TMEM190: variants seen among roughly 807,000 people sequenced by gnomAD.
TMEM190 encodes the protein transmembrane protein 190.
TMEM190 carries 17 observed loss-of-function variants against 17.1 expected under a neutral mutation model. The observed-to-expected ratio is 0.99, with a 90% confidence interval of 0.68 to 1.49. The LOEUF (loss-of-function observed/expected upper bound fraction) is 1.49. Among genes scored for constraint, TMEM190 ranks in the 40% most tolerant of loss-of-function variants. TMEM190 has a pLI of 0.00. For missense variants in TMEM190, 246 were observed against 245.0 expected (o/e 1.00, Z -0.03); for synonymous variants, 101 against 103.8 (o/e 0.97, Z 0.16).
At position 55,376,894 on chromosome 19, in the gene TMEM190, TGCTGCAGGGCTCGGCAGGTGAGGG is replaced by T. The variant is rs1259620963; in HGVS notation, c.46_58+11del. ...ATCCCAGCGCTGGGCCTGCTCCTGCTGCTGCAGGGCTCGGCAGGTGAGGGGCTGGTGAGGCGGGGGAGCTGAGGA... is the reference window on the plus strand; with the variant it reads ...ATCCCAGCGCTGGGCCTGCTCCTGCTGCTGGTGAGGCGGGGGAGCTGAGGA... On this transcript the variant is annotated splice_donor_variant and splice_donor_5th_base_variant and coding_sequence_variant and intron_variant, in exon 1 of 5. Coordinates refer to ENST00000291934, the MANE Select transcript of TMEM190 (RefSeq NM_139172.3). LOFTEE classifies it high-confidence loss of function. The T allele has an allele frequency of 5.1e-6, 8 of 1,583,572 alleles. No individual in the cohort carries two copies. Among genetic ancestry groups the T allele is most frequent in the Non-Finnish European group, 6.9e-6 (8 of 1,165,176 alleles).
In TMEM190 at chr19:55,378,054, C is replaced by T; in HGVS notation, c.385C>T (p.Leu129Phe). The T allele has an allele frequency of 6.2e-7, 1 of 1,612,674 alleles. No homozygotes were observed. Among genetic ancestry groups the T allele is most frequent in the Non-Finnish European group, 8.5e-7 (1 of 1,179,680 alleles). ...PCDMSKSVSL[L>F]SKHRGTKKTP... ...TGACATGTCCAAGTCCGTCTCGCTG[C>T]TCTCCAAGCACCGAGGGACCAAGAA... Residue 129 changes from leucine to phenylalanine, a missense_variant, in exon 5 of 5, where the codon CTC (leucine) becomes TTC (phenylalanine). Transcript: ENST00000291934.
rs1306344406 is a variant in TMEM190, at chr19:55,376,978, C to T, written c.59-13C>T. On this transcript the variant is annotated splice_polypyrimidine_tract_variant and intron_variant, in intron 1 of 4. Coordinates refer to ENST00000291934, the MANE Select transcript of TMEM190 (RefSeq NM_139172.3). ...GGCTCCACACAGCCCTAACACTGCC[C>T]TTTCTCTCGCAGACGGAAATGGAAT... 2 of 1,551,936 alleles carry T rather than the reference C, an allele frequency of 1.3e-6. No individual in the cohort carries two copies. The highest frequency in any genetic ancestry group is 1.7e-6 in the Non-Finnish European group (2 of 1,147,186).
chr19:55,377,963 C>G lies in TMEM190; in HGVS notation c.306-12C>G, dbSNP rs550569660. 50 of 1,609,328 alleles carry G rather than the reference C, an allele frequency of 3.1e-5. 2 individuals carry two copies. The South Asian group carries it at 5.3e-4, about 17-fold the overall frequency. On this transcript the variant is annotated splice_polypyrimidine_tract_variant and intron_variant, in intron 4 of 4. Coordinates refer to ENST00000291934, the MANE Select transcript of TMEM190 (RefSeq NM_139172.3). ...GGCGGAGGGCGGGGGCTGAGCCGTC[C>G]GCTCCCTGCAGGTGGGCCAAGCGCC...
chr19:55,377,649 AG>A lies in TMEM190; in HGVS notation c.152del (p.Ser51ThrfsTer44). The stretch of plus-strand genomic sequence containing the variant: ...CTGTGGGGGCCAGGCGGCCATCGAT[AG>A]CCCCAACCTCTGCCTGCGTCTCCGG... ...ESCGGQAAID[S>X]PNLCLRLRCC... On this transcript the variant is annotated frameshift_variant, in exon 3 of 5. Coordinates refer to ENST00000291934, the MANE Select transcript of TMEM190 (RefSeq NM_139172.3). LOFTEE classifies it high-confidence loss of function. The A allele has an allele frequency of 6.2e-7, 1 of 1,613,388 alleles. No homozygotes were observed. The highest frequency in any genetic ancestry group is 8.5e-7 in the Non-Finnish European group (1 of 1,179,646).
rs770235941 is a variant in TMEM190, at chr19:55,377,686, G to A, written c.188G>A (p.Arg63His). Reference sequence around the variant, plus strand: ...TGCCTGCGTCTCCGGTGCTGCTACCGCAATGGGGTCTGCTACCACCAGCGT... The same window carrying A: ...TGCCTGCGTCTCCGGTGCTGCTACCACAATGGGGTCTGCTACCACCAGCGT... ...NLCLRLRCCY[R>H]NGVCYHQRPD... The change falls in exon 3 of 5, where the codon CGC (arginine) becomes CAC (histidine). Residue 63 changes from arginine to histidine, a missense_variant. Coordinates refer to ENST00000291934, the MANE Select transcript of TMEM190 (RefSeq NM_139172.3). 9.3e-5 allele frequency: 150 copies of A among 1,613,064 alleles called. No homozygotes were observed. Among genetic ancestry groups the A allele is most frequent in the Non-Finnish European group, 1.2e-4 (136 of 1,179,524 alleles).
rs1464412728 is a variant in TMEM190 at position 55,378,067 on chromosome 19, G to A, written c.398G>A (p.Arg133Gln). 8 of 1,611,862 alleles carry A rather than the reference G, an allele frequency of 5.0e-6. No homozygotes were observed. The highest frequency in any genetic ancestry group is 1.3e-5 in the African/African-American group (1 of 74,796). ...SKSVSLLSKH[R>Q]GTKKTPSTGS... ...TCCGTCTCGCTGCTCTCCAAGCACC[G>A]AGGGACCAAGAAGACGCCGTCCACG... Residue 133 changes from arginine to glutamine, a missense_variant, in exon 5 of 5, where the codon CGA becomes CAA. By Grantham distance (43) the Arg-to-Gln change is conservative (BLOSUM62 1). Transcript: ENST00000291934.
chr19:55,377,506 C>A, intron 2 of TMEM190, 87 bp from the exon 3 acceptor site: 1 of 1,536,712 alleles, frequency 6.5e-7, no homozygotes, highest in Non-Finnish European at 8.8e-7. Context: ...AGGAAGGCAG[C>A]CTGGGAGCAT....
In TMEM190 at chr19:55,377,759, G is replaced by T. The variant is rs1270061052; in HGVS notation, c.220+41G>T. On this transcript the variant is annotated intron_variant, in intron 3 of 4. Coordinates refer to ENST00000291934, the MANE Select transcript of TMEM190 (RefSeq NM_139172.3). ...CCCAGGTCCCTGGGGCGTGGGTCTGGCGGTCGGGAGCCCCGGGTCTTAACC... is the reference window on the plus strand; with the variant it reads ...CCCAGGTCCCTGGGGCGTGGGTCTGTCGGTCGGGAGCCCCGGGTCTTAACC... The T allele has an allele frequency of 2.5e-6, 4 of 1,612,310 alleles. No individual in the cohort carries two copies. The South Asian group carries it at 4.4e-5, about 18-fold the overall frequency.
intron 2 of TMEM190, 29 bp from the exon 3 acceptor site, chr19:55,377,564 G>T (rs2089861783): frequency 6.3e-7 from 1 of 1,589,268 alleles, no homozygotes; most frequent in African/African-American, 1.4e-5. Flanking sequence ...GCGCTGTGAT[G>T]AAGCAAGCCA....
At position 55,377,012 on chromosome 19, in the gene TMEM190, T is replaced by A; in HGVS notation, c.80T>A (p.Phe27Tyr). 1 of 1,551,378 alleles carries A rather than the reference T, an allele frequency of 6.4e-7. No homozygotes were observed. The highest frequency in any genetic ancestry group is 2.4e-5 in the East Asian group (1 of 40,920). Residue 27 changes from phenylalanine (F) to tyrosine (Y), a missense_variant, in exon 2 of 5, where the codon TTC becomes TAC. Coordinates refer to ENST00000291934, the MANE Select transcript of TMEM190 (RefSeq NM_139172.3). ...GSADGNGIQG[F>Y]FYPWSCEGDI... ...GCAGACGGAAATGGAATCCAGGGAT[T>A]CTTCTACCCATGGAGTGAGCAGCCG...
At chr19:55,377,134 A>AT (rs2089856990) in intron 2 of TMEM190, 108 bp downstream of exon 2, 2 of 1,236,286 alleles carry the variant, frequency 1.6e-6, no homozygotes, top group Admixed American at 2.1e-5. Flanking sequence ...CTGAGGGAGG[A>AT]CGGGGGGGTC....
In TMEM190 at chr19:55,378,091, CG is replaced by C; in HGVS notation, c.425del (p.Gly142AlafsTer?). On this transcript the variant is annotated frameshift_variant, in exon 5 of 5. Coordinates refer to ENST00000291934, the MANE Select transcript of TMEM190 (RefSeq NM_139172.3). LOFTEE classifies it low-confidence loss of function (END_TRUNC). The stretch of plus-strand genomic sequence containing the variant: ...CGAGGGACCAAGAAGACGCCGTCCA[CG>C]GGCAGCGTGCCAGTCGCCCTGTCCA... ...KHRGTKKTPSTGSVPVALSKE... is the reference protein window; with the variant it reads ...KHRGTKKTPSXGSVPVALSKE... 2 of 1,609,698 alleles carry C rather than the reference CG, an allele frequency of 1.2e-6. No individual in the cohort carries two copies. Among genetic ancestry groups the C allele is most frequent in the Non-Finnish European group, 1.7e-6 (2 of 1,177,724 alleles).
Position 55,377,597 on chromosome 19 carries a change from T to G in TMEM190, c.99T>G (p.Cys33Trp). 1.2e-6 allele frequency: 2 copies of G among 1,608,742 alleles called. No individual in the cohort carries two copies. The highest frequency in any genetic ancestry group is 1.7e-6 in the Non-Finnish European group (2 of 1,177,200). ...GIQGFFYPWS[C>W]EGDIWDRESC... ...CCACTGGTGGTTGGTCCCCAGGCTG[T>G]GAGGGTGACATATGGGACCGGGAGA... Residue 33 changes from cysteine to tryptophan, a missense_variant, in exon 3 of 5, where the codon TGT becomes TGG. Physicochemically the swap from Cys to Trp is radical, Grantham distance 215. Transcript: ENST00000291934.
In TMEM190 at chr19:55,378,049, C is replaced by T. The variant is rs752736314; in HGVS notation, c.380C>T (p.Ser127Leu). Residue 127 changes from serine to leucine, a missense_variant, in exon 5 of 5, where the codon TCG becomes TTG. By Grantham distance (145) the Ser-to-Leu change is moderately radical. Transcript: ENST00000291934. ...CCGTGTGACATGTCCAAGTCCGTCTCGCTGCTCTCCAAGCACCGAGGGACC... is the reference window on the plus strand; with the variant it reads ...CCGTGTGACATGTCCAAGTCCGTCTTGCTGCTCTCCAAGCACCGAGGGACC... The part of the protein sequence containing the change: ...AGPCDMSKSV[S>L]LLSKHRGTKK... 1.3e-5 allele frequency: 21 copies of T among 1,612,558 alleles called. No individual in the cohort carries two copies. The highest frequency in any genetic ancestry group is 4.5e-5 in the East Asian group (2 of 44,812).
rs1409053556 is a variant in TMEM190, at chr19:55,376,844, G to A, written c.-10G>A. On this transcript the variant is annotated 5_prime_UTR_variant, in exon 1 of 5. Coordinates refer to ENST00000291934, the MANE Select transcript of TMEM190 (RefSeq NM_139172.3). ...TTCCCACAGTGGCCCCAGGGGTCTGGGGAGGTGACATGTTGGGCTGTGGGA... is the reference window on the plus strand; with the variant it reads ...TTCCCACAGTGGCCCCAGGGGTCTGAGGAGGTGACATGTTGGGCTGTGGGA... 1 of 1,557,952 alleles carries A rather than the reference G, an allele frequency of 6.4e-7. No homozygotes were observed. Among genetic ancestry groups the A allele is most frequent in the South Asian group, 1.2e-5 (1 of 83,086 alleles).
intron 3 of TMEM190, 41 bp from the exon 4 acceptor site, chr19:55,377,761 G>T (rs1208643153): frequency 1.2e-6 from 2 of 1,612,174 alleles, no homozygotes; most frequent in South Asian, 1.1e-5. Flanking sequence ...TGGGTCTGGC[G>T]GTCGGGAGCC....
Position 55,376,981 on chromosome 19 carries a change from T to C in TMEM190, c.59-10T>C, listed in dbSNP as rs982508405. 7.5e-5 allele frequency: 116 copies of C among 1,551,718 alleles called. No individual in the cohort carries two copies. Among genetic ancestry groups the C allele is most frequent in the Non-Finnish European group, 1.0e-4 (115 of 1,147,154 alleles). On this transcript the variant is annotated splice_polypyrimidine_tract_variant and intron_variant, in intron 1 of 4. Coordinates refer to ENST00000291934, the MANE Select transcript of TMEM190 (RefSeq NM_139172.3). ...TCCACACAGCCCTAACACTGCCCTT[T>C]CTCTCGCAGACGGAAATGGAATCCA...
chr19:55,377,531 G>C (rs965442333), intron 2 of TMEM190, 62 bp from the exon 3 acceptor site: 1 of 1,554,734 alleles, frequency 6.4e-7, no homozygotes, highest in East Asian at 2.3e-5. Context: ...TTGGAATCTC[G>C]TGTATGAGGC....
In TMEM190 at chr19:55,377,960, G is replaced by A. The variant is rs776713286; in HGVS notation, c.306-15G>A. ...TCCGGCGGAGGGCGGGGGCTGAGCC[G>A]TCCGCTCCCTGCAGGTGGGCCAAGC... On this transcript the variant is annotated splice_polypyrimidine_tract_variant and intron_variant, in intron 4 of 4. Transcript: ENST00000291934. The A allele has an allele frequency of 3.4e-5, 54 of 1,608,652 alleles. No homozygotes were observed. The South Asian group carries it at 4.9e-4, about 15-fold the overall frequency.
Sources: allele counts gnomAD v4.1 joint callset, GRCh38; gene constraint gnomAD v4.1.1; transcripts MANE v1.5; gene names NCBI Gene and HGNC (gene_info 2026-07-23, HGNC 2026-07-21).